DSE: variants seen among roughly 807,000 people sequenced by gnomAD.
DSE encodes dermatan sulfate epimerase, also known as dermatan-sulfate epimerase.
DSE carries 36 observed loss-of-function variants against 84.4 expected under a neutral mutation model. The ratio of observed to expected loss-of-function variants is 0.43; its 90% CI spans 0.33 to 0.56. DSE has a LOEUF of 0.56. Among genes scored for constraint, DSE ranks in the 20% least tolerant of loss-of-function variants. DSE has a pLI of 0.06. For missense variants in DSE, 862 were observed against 1,169.6 expected (o/e 0.74, Z 3.84); for synonymous variants, 410 against 430.1 (o/e 0.95, Z 0.58).
intron 2 of DSE, among the ~76,000 whole-genome samples, chr6:116,317,452 CTT>C (rs1215606834): frequency 6.6e-6 from 1 of 152,218 alleles, no homozygotes; most frequent in Non-Finnish European, 1.5e-5. Context: ...AATAATTTCT[CTT>C]TACACATTCT....
intron 1 of DSE, among the ~76,000 whole-genome samples, chr6:116,258,047 C>T (rs4945552): frequency 0.24 from 36,689 of 152,104 alleles, 5,511 homozygotes; most frequent in East Asian, 0.63. Context: ...GATGGAGTCT[C>T]GCTCTGTCAC....
At chr6:116,370,473 A>C (rs1583109618), upstream of DSE, 2 of 986,968 alleles carry the variant, frequency 2.0e-6, no homozygotes, top group Non-Finnish European at 2.4e-6. Context: ...GGGAGGAGGC[A>C]GACTGGAGTG....
At chr6:116,354,857 G>A (rs945982583) in intron 2 of DSE, among the ~76,000 whole-genome samples, 2 of 151,984 alleles carry the variant, frequency 1.3e-5, no homozygotes, top group African/African-American at 4.8e-5. Context: ...ATAGTGACAG[G>A]TTTTATAATA....
intron 2 of DSE, among the ~76,000 whole-genome samples, chr6:116,411,830 T>C (rs1329831101): frequency 6.6e-6 from 1 of 152,232 alleles, no homozygotes; most frequent in Non-Finnish European, 1.5e-5. Flanking sequence ...CTATAACCTG[T>C]AACTTGGTCA....
intron 2 of DSE, among the ~76,000 whole-genome samples, chr6:116,271,789 T>G (rs1356536081): frequency 6.6e-6 from 1 of 152,190 alleles, no homozygotes; most frequent in Admixed American, 6.5e-5. Flanking sequence ...GCAAATGAAG[T>G]TCTATTTTTT....
intron 2 of DSE, among the ~76,000 whole-genome samples, chr6:116,330,449 T>C (rs1196046903): frequency 6.6e-6 from 1 of 152,208 alleles, no homozygotes; most frequent in Non-Finnish European, 1.5e-5. Flanking sequence ...ACATATGTTT[T>C]TGACAATTAT....
At chr6:116,396,890 C>T (rs1252923891) in intron 1 of DSE, among the ~76,000 whole-genome samples, 1 of 152,146 alleles carries the variant, frequency 6.6e-6, no homozygotes, top group African/African-American at 2.4e-5. Context: ...ACCTTACCCA[C>T]GTTTGGGGAA....
At chr6:116,311,572 A>C (rs1775697636) in intron 2 of DSE, among the ~76,000 whole-genome samples, 1 of 152,238 alleles carries the variant, frequency 6.6e-6, no homozygotes, top group Non-Finnish European at 1.5e-5. Context: ...CCTACATATA[A>C]TAGAATAAAA....
chr6:116,311,689 G>A (rs941995288), intron 2 of DSE, among the ~76,000 whole-genome samples: 2 of 152,150 alleles, frequency 1.3e-5, no homozygotes, highest in Non-Finnish European at 2.9e-5. Flanking sequence ...TCCTGCTCTG[G>A]GCCTTTGCAC....
chr6:116,316,918 G>T (rs901285531), intron 2 of DSE, among the ~76,000 whole-genome samples: 1 of 151,534 alleles, frequency 6.6e-6, no homozygotes, highest in African/African-American at 2.4e-5. Context: ...TAGAAATTTT[G>T]TGAGCTTATG....
At chr6:116,387,890 A>G (rs1780665346) in intron 1 of DSE, among the ~76,000 whole-genome samples, 1 of 152,192 alleles carries the variant, frequency 6.6e-6, no homozygotes, top group Non-Finnish European at 1.5e-5. Flanking sequence ...CCAAAGTGTC[A>G]GGGAAGAGGA....
At chr6:116,285,264 T>C (rs1773813685) in intron 2 of DSE, among the ~76,000 whole-genome samples, 1 of 152,246 alleles carries the variant, frequency 6.6e-6, no homozygotes, top group Non-Finnish European at 1.5e-5. Flanking sequence ...ATTTCTCTGA[T>C]GGCCAGTGAT....
chr6:116,361,407 T>C (rs549578528), intron 2 of DSE, among the ~76,000 whole-genome samples: 1 of 152,348 alleles, frequency 6.6e-6, no homozygotes, highest in South Asian at 2.1e-4. Context: ...TTAGTTTATA[T>C]GGCTTAATGA....
At chr6:116,383,939 T>A (rs1202409882) in intron 1 of DSE, among the ~76,000 whole-genome samples, 1 of 152,230 alleles carries the variant, frequency 6.6e-6, no homozygotes. Context: ...AAGTTTTTTT[T>A]AGCAGGAAAT....
At position 116,437,281 on chromosome 6, in the gene DSE, T is replaced by A. The variant is rs1221933953; in HGVS notation, c.2813T>A (p.Val938Asp). 1.2e-6 allele frequency: 2 copies of A among 1,614,100 alleles called. No homozygotes were observed. The highest frequency in any genetic ancestry group is 2.2e-5 in the South Asian group (2 of 91,076). ...CATGGCCAAAGATGTCTTTATGCAG[T>A]TCTTCTCATAGATAGCTGTATTTTA... Reference protein sequence around the residue: ...SLHGQRCLYAVLLIDSCILLW... With the variant: ...SLHGQRCLYADLLIDSCILLW... The change falls in exon 6 of 6, where the codon GTT (valine) becomes GAT (aspartate). Residue 938 changes from valine (V) to aspartate (D), a missense_variant. Transcript: ENST00000644252.
rs908565433 is a variant in DSE at position 116,278,558 on chromosome 6, G to T, written c.-54+19591G>T. 6.2e-7 allele frequency: 1 copy of T among 1,614,152 alleles called. No individual in the cohort carries two copies. Among genetic ancestry groups the T allele is most frequent in the African/African-American group, 1.3e-5 (1 of 75,032 alleles). On this transcript the variant is annotated intron_variant, in intron 2 of 3. Coordinates refer to the DSE transcript ENST00000430252. ...CCAAAGGGCCTGGGGATCTCTACAG[G>T]CTCCCTTAGCGGGCGACGTCGGGCT...
intron 2 of DSE, among the ~76,000 whole-genome samples, chr6:116,403,013 G>A (rs913338325): frequency 6.6e-6 from 1 of 152,116 alleles, no homozygotes; most frequent in Non-Finnish European, 1.5e-5. Context: ...ATTGTACTCT[G>A]TCCATCTAAT....
intron 3 of DSE, among the ~76,000 whole-genome samples, chr6:116,430,040 G>A (rs569415159): frequency 6.6e-6 from 1 of 152,246 alleles, no homozygotes; most frequent in African/African-American, 2.4e-5. Context: ...TGAGTTAAAA[G>A]GTTTTATAAC....
At chr6:116,271,455 A>C (rs1268839675) in intron 2 of DSE, among the ~76,000 whole-genome samples, 2 of 152,216 alleles carry the variant, frequency 1.3e-5, no homozygotes, top group Non-Finnish European at 2.9e-5. Context: ...GTAAGCATCT[A>C]AATGGTCAGA....
Sources: gnomAD v4.1 joint callset for allele counts (sites outside exome capture counted in the v4.1 genomes callset) on GRCh38, gnomAD v4.1.1 for gene constraint, MANE v1.5 for transcripts, NCBI Gene and HGNC (gene_info 2026-07-23, HGNC 2026-07-21) for gene names.